The following XIRP2 variants were observed in gnomAD, a reference collection of about 807,000 sequenced individuals.
The protein encoded by XIRP2 is xin actin binding repeat containing 2.
A neutral mutation model predicts 277.0 loss-of-function variants in XIRP2; 236 were observed. The ratio of observed to expected loss-of-function variants is 0.85; its 90% CI spans 0.77 to 0.95. XIRP2 has a LOEUF of 0.95. Among genes scored for constraint, XIRP2 ranks in the 40% least tolerant of loss-of-function variants. XIRP2 has a pLI of 0.00. For synonymous variants in XIRP2, 1,490 were observed against 1,416.5 expected, an observed-to-expected ratio of 1.05 and a Z score of -1.17; for missense variants, 4,640 against 4,157.5, an observed-to-expected ratio of 1.12 and a Z score of -3.19.
rs528290241 is a variant in XIRP2 at position 167,024,971 on chromosome 2, C to A, written c.409-110938C>A. ...TATCAGGATGATGCTGGCCTCATAA[C>A]ATGAGTTAGGGAGGATTCCCTCTTT... On this transcript the variant is annotated intron_variant, in intron 2 of 10. Coordinates refer to ENST00000409195, the MANE Select transcript of XIRP2 (RefSeq NM_152381.6). 9.9e-5 allele frequency among the ~76,000 whole-genome samples: 15 copies of A among 152,140 alleles called. No individual in the cohort carries two copies. The East Asian group carries it at 2.3e-3, about 24-fold the overall frequency.
At chr2:167,028,354 A>G (rs1688233048) in intron 2 of XIRP2, among the ~76,000 whole-genome samples, 1 of 152,032 alleles carries the variant, frequency 6.6e-6, no homozygotes, top group Non-Finnish European at 1.5e-5. Context: ...GCAGCTCAGG[A>G]CATACTGAGA....
intron 2 of XIRP2, among the ~76,000 whole-genome samples, chr2:166,934,931 T>G (rs1261583018): frequency 6.6e-6 from 1 of 151,976 alleles, no homozygotes; most frequent in Non-Finnish European, 1.5e-5. Flanking sequence ...GTCGGGAAGC[T>G]ATGTGAGGAG....
At chr2:167,139,100 G>GTATA (rs928824606) in intron 3 of XIRP2, among the ~76,000 whole-genome samples, 2 of 148,344 alleles carry the variant, frequency 1.3e-5, no homozygotes, top group African/African-American at 5.0e-5. Context: ...ATATACGTAC[G>GTATA]TATATATATG....
intron 2 of XIRP2, among the ~76,000 whole-genome samples, chr2:167,050,133 A>G (rs1688881233): frequency 6.6e-6 from 1 of 152,026 alleles, no homozygotes; most frequent in African/African-American, 2.4e-5. Context: ...CCAGTTGCCA[A>G]TTTACTTGAT....
intron 1 of XIRP2, among the ~76,000 whole-genome samples, chr2:166,892,808 G>GATAC (rs1684136783): frequency 1.4e-5 from 2 of 143,236 alleles, no homozygotes; most frequent in East Asian, 4.0e-4. Flanking sequence ...TTTCATAGAA[G>GATAC]ATATATATAT....
At chr2:167,035,462 A>T (rs767088453) in intron 2 of XIRP2, among the ~76,000 whole-genome samples, 14 of 152,154 alleles carry the variant, frequency 9.2e-5, no homozygotes, top group Non-Finnish European at 1.5e-5. Context: ...AAGAGACTGG[A>T]GGCATTTTGC....
At chr2:167,010,337 C>A (rs1364118030) in intron 2 of XIRP2, among the ~76,000 whole-genome samples, 1 of 151,470 alleles carries the variant, frequency 6.6e-6, no homozygotes, top group African/African-American at 2.4e-5. Flanking sequence ...ATCCTTTCCC[C>A]ATTGCTTGTT....
chr2:167,086,582 A>G (rs939559558), intron 2 of XIRP2, among the ~76,000 whole-genome samples: 8 of 152,054 alleles, frequency 5.3e-5, no homozygotes, highest in African/African-American at 1.7e-4. Flanking sequence ...AGGTACACCA[A>G]TCAGACGTAG....
chr2:167,170,986 G>A (rs562445724), intron 3 of XIRP2, among the ~76,000 whole-genome samples: 6 of 134,834 alleles, frequency 4.4e-5, no homozygotes, highest in Admixed American at 1.7e-4. Flanking sequence ...TGCACCCTCC[G>A]CCTCCAGGGT....
intron 2 of XIRP2, among the ~76,000 whole-genome samples, chr2:167,043,630 A>G (rs1688718087): frequency 6.6e-6 from 1 of 152,068 alleles, no homozygotes; most frequent in African/African-American, 2.4e-5. Flanking sequence ...CAACCTCCCA[A>G]GATTGAACTA....
intron 10 of XIRP2, among the ~76,000 whole-genome samples, chr2:167,255,424 A>G (rs550542541): frequency 6.6e-6 from 1 of 151,938 alleles, no homozygotes; most frequent in South Asian, 2.1e-4. Context: ...TGACCAAAGC[A>G]TGGAGTTATC....
intron 2 of XIRP2, among the ~76,000 whole-genome samples, chr2:167,061,035 A>G (rs1245034382): frequency 6.6e-6 from 1 of 152,092 alleles, no homozygotes; most frequent in Non-Finnish European, 1.5e-5. Flanking sequence ...CATTTATCAG[A>G]GCAATATTTT....
At chr2:166,988,161 A>G (rs1420127809) in intron 2 of XIRP2, among the ~76,000 whole-genome samples, 1 of 152,208 alleles carries the variant, frequency 6.6e-6, no homozygotes, top group African/African-American at 2.4e-5. Flanking sequence ...TGTGGATATC[A>G]AGCACCCCCT....
At chr2:167,112,302 T>C (rs1690780027) in intron 2 of XIRP2, among the ~76,000 whole-genome samples, 1 of 151,974 alleles carries the variant, frequency 6.6e-6, no homozygotes, top group African/African-American at 2.4e-5. Context: ...ATTAGTGTTA[T>C]AAACTTCCCT....
chr2:167,049,109 C>CAT, intron 2 of XIRP2, among the ~76,000 whole-genome samples: 1 of 151,538 alleles, frequency 6.6e-6, no homozygotes, highest in South Asian at 2.1e-4. Flanking sequence ...AGTTCTTTTT[C>CAT]TCTCTGTGTC....
At position 166,922,835 on chromosome 2, in the gene XIRP2, T is replaced by A. The variant is rs546742715; in HGVS notation, c.408+18945T>A. Among the ~76,000 whole-genome samples, 481 of 150,472 alleles carry A rather than the reference T, an allele frequency of 3.2e-3. 3 individuals are homozygous for A. The highest frequency in any genetic ancestry group is 0.011 in the African/African-American group (438 of 41,176). On this transcript the variant is annotated intron_variant, in intron 2 of 10. Coordinates refer to ENST00000409195, the MANE Select transcript of XIRP2 (RefSeq NM_152381.6). ...TCTTTCCTTCCTTTTTTTTTTTTTT[T>A]AAAGAAAGGTAACCAGGGGTGATAG...
At chr2:167,028,157 C>T (rs1410147262) in intron 2 of XIRP2, among the ~76,000 whole-genome samples, 1 of 151,932 alleles carries the variant, frequency 6.6e-6, no homozygotes, top group Admixed American at 6.6e-5. Flanking sequence ...AAATATCTAA[C>T]ATAAGAAAAT....
At chr2:166,989,241 A>G (rs1231031301) in intron 2 of XIRP2, among the ~76,000 whole-genome samples, 1 of 81,934 alleles carries the variant, frequency 1.2e-5, no homozygotes, top group Non-Finnish European at 2.1e-5. Context: ...GGGTATTCCA[A>G]CAGACCTGCA....
intron 3 of XIRP2, among the ~76,000 whole-genome samples, chr2:167,149,870 C>T (rs940317651): frequency 1.1e-4 from 17 of 151,642 alleles, no homozygotes; most frequent in African/African-American, 3.1e-4. Context: ...TGCATATAAC[C>T]CACAACATAT....
Sources: gnomAD v4.1 joint callset for allele counts (sites outside exome capture counted in the v4.1 genomes callset) on GRCh38, gnomAD v4.1.1 for gene constraint, MANE v1.5 for transcripts, NCBI Gene and HGNC (gene_info 2026-07-23, HGNC 2026-07-21) for gene names.